The following NLGN2 variants were observed in gnomAD, a reference collection of about 807,000 sequenced individuals.
The protein encoded by NLGN2 is neuroligin-2.
Under a neutral mutation model 48.6 loss-of-function variants are expected in NLGN2, and 11 were observed. The observed-to-expected ratio is 0.23, with a 90% CI of 0.14 to 0.37. The LOEUF (loss-of-function observed/expected upper bound fraction) is 0.37. NLGN2 is among the 10% of genes least tolerant of loss of function. The pLI is 1.00. For missense variants in NLGN2, 801 were observed against 1,225.2 expected (o/e 0.65, Z 5.17); for synonymous variants, 548 against 550.0 (o/e 1.00, Z 0.05).
upstream of NLGN2, among the ~76,000 whole-genome samples, chr17:7,407,806 G>T (rs1906703314): frequency 6.6e-6 from 1 of 152,060 alleles, no homozygotes; most frequent in Admixed American, 6.5e-5. Context: ...CTGGGTGGGA[G>T]TGGGGAGGTG....
upstream of NLGN2, chr17:7,405,621 A>C (rs1288913753): frequency 6.6e-6 from 1 of 152,562 alleles, no homozygotes; most frequent in Non-Finnish European, 1.5e-5. This position sits in a 1 kb window ranked among gnomAD's most constrained non-coding sequence, Gnocchi z 6.8. Context: ...GTAGGACCTA[A>C]GCCGGGTCGG....
In NLGN2 at chr17:7,417,417, G is replaced by A; in HGVS notation, c.2126G>A (p.Cys709Tyr). 6.2e-7 allele frequency: 1 copy of A among 1,607,464 alleles called. No individual in the cohort carries two copies. The highest frequency in any genetic ancestry group is 8.5e-7 in the Non-Finnish European group (1 of 1,177,966). ...YKRDRRQELR[C>Y]RRLSPPGGSG... ...CGGGACCGGCGGCAGGAGCTGCGGTGCAGGCGGCTTAGCCCACCTGGCGGC... is the reference window on the plus strand; with the variant it reads ...CGGGACCGGCGGCAGGAGCTGCGGTACAGGCGGCTTAGCCCACCTGGCGGC... The change falls in exon 7 of 7, where the codon TGC becomes TAC. Residue 709 changes from cysteine (C) to tyrosine (Y), a missense_variant. Physicochemically the swap from Cys to Tyr is radical, Grantham distance 194 (BLOSUM62 -2). Around this residue, in one of 5 missense-constraint regions of NLGN2, gnomAD observed 276 missense variants for 313.9 expected, o/e 0.88. Coordinates refer to ENST00000302926, the MANE Select transcript of NLGN2 (RefSeq NM_020795.4).
intron 1 of NLGN2, among the ~76,000 whole-genome samples, chr17:7,410,698 G>T (rs1316091767): frequency 6.6e-6 from 1 of 152,074 alleles, no homozygotes; most frequent in Non-Finnish European, 1.5e-5. Flanking sequence ...CACCACCCTT[G>T]CCCACACCTT....
intron 1 of NLGN2, among the ~76,000 whole-genome samples, chr17:7,409,557 C>G (rs1453207099): frequency 1.3e-5 from 2 of 152,048 alleles, no homozygotes; most frequent in Non-Finnish European, 2.9e-5. Flanking sequence ...ACAAACACCC[C>G]CCTGCACCCC....
rs763446929 is a variant in NLGN2, at chr17:7,417,623, G to A, written c.2332G>A (p.Asp778Asn). 1.4e-6 allele frequency: 2 copies of A among 1,417,556 alleles called. No individual in the cohort carries two copies. Among genetic ancestry groups the A allele is most frequent in the Admixed American group, 2.9e-5 (1 of 34,220 alleles). The allele number at this position is 1,417,556 out of a possible 1,614,324, so 87.8% of individuals were successfully genotyped here. A position where few individuals can be genotyped will look rare whatever the true frequency, so the allele number is the denominator to read the frequency against. ...DYTLALRRAP[D>N]DVPLLAPGAL... ...CACCCTGGCCCTGCGCCGGGCACCG[G>A]ACGATGTGCCTCTCTTGGCCCCCGG... The change falls in exon 7 of 7, where the codon GAC (aspartate) becomes AAC (asparagine). Residue 778 changes from aspartate to asparagine, a missense_variant. Asp to Asn is a conservative substitution (Grantham distance 23). This residue lies in a region of NLGN2 where 276 missense variants were observed against 313.9 expected (regional missense o/e 0.88). Coordinates refer to ENST00000302926, the MANE Select transcript of NLGN2 (RefSeq NM_020795.4).
At position 7,414,324 on chromosome 17, in the gene NLGN2, G is replaced by A. The variant is rs929970422; in HGVS notation, c.509-20G>A. 1 of 1,434,912 alleles carries A rather than the reference G, an allele frequency of 7.0e-7. No individual in the cohort carries two copies. Among genetic ancestry groups the A allele is most frequent in the Non-Finnish European group, 9.2e-7 (1 of 1,087,976 alleles). The allele number at this position is 1,434,912 out of a possible 1,614,324, so 88.9% of individuals were successfully genotyped here. On this transcript the variant is annotated intron_variant, in intron 2 of 6. Coordinates refer to ENST00000302926, the MANE Select transcript of NLGN2 (RefSeq NM_020795.4). ...TTGTCCCTGACCCCCTGGCCCACCT[G>A]CCCACCCCTCCCCACACAGATATCC... is the stretch of plus-strand genomic sequence containing the variant.
At position 7,408,426 on chromosome 17, in the gene NLGN2, G is replaced by C. The variant is rs1315857150; in HGVS notation, c.171G>C (p.Glu57Asp). 1.3e-6 allele frequency: 2 copies of C among 1,569,768 alleles called. No homozygotes were observed. The highest frequency in any genetic ancestry group is 1.7e-6 in the Non-Finnish European group (2 of 1,162,010). Residue 57 changes from glutamate (E) to aspartate (D), a missense_variant, in exon 1 of 7, where the codon GAG becomes GAC. Coordinates refer to ENST00000302926, the MANE Select transcript of NLGN2 (RefSeq NM_020795.4). The surrounding 1 kb of genome is among the most constrained non-coding windows in gnomAD (Gnocchi z 7.5). The part of the protein sequence containing the change: ...AYGRVRGVRR[E>D]LNNEILGPVV... Reference sequence around the variant, plus strand: ...GGCGAGTGCGCGGTGTGCGGCGCGAGCTCAACAACGAGATCCTGGGCCCCG... The same window carrying C: ...GGCGAGTGCGCGGTGTGCGGCGCGACCTCAACAACGAGATCCTGGGCCCCG...
intron 6 of NLGN2, 36 bp downstream of exon 6, chr17:7,416,143 G>GCT (rs1259189313): frequency 6.9e-7 from 1 of 1,444,806 alleles, no homozygotes; most frequent in African/African-American, 1.4e-5. Context: ...GCTGGGCGGG[G>GCT]CCCTCCCTCC....
chr17:7,410,873 C>T (rs967097628), intron 1 of NLGN2, among the ~76,000 whole-genome samples: 1 of 152,260 alleles, frequency 6.6e-6, no homozygotes, highest in African/African-American at 2.4e-5. Context: ...GCCTTGCTCA[C>T]TTTGTCCCCA....
At chr17:7,416,511 G>T (rs1907108739) in intron 6 of NLGN2, among the ~76,000 whole-genome samples, 1 of 152,108 alleles carries the variant, frequency 6.6e-6, no homozygotes, top group Admixed American at 6.6e-5. Context: ...TCCCTCTGCT[G>T]CTCTCTTTTG....
At position 7,411,043 on chromosome 17, in the gene NLGN2, C is replaced by A. The variant is rs147670818; in HGVS notation, c.458-1114C>A. On this transcript the variant is annotated intron_variant, in intron 1 of 6. Transcript: ENST00000302926. This position sits in a 1 kb window ranked among gnomAD's most constrained non-coding sequence, Gnocchi z 4.5. ...GTGCCATTGAGGAAAAACCAATCAG[C>A]CTCGGGGAACCCCCAGGCCTCTGGG... Among the ~76,000 whole-genome samples, 2 of 152,356 alleles carry A rather than the reference C, an allele frequency of 1.3e-5. No homozygotes were observed. Among genetic ancestry groups the A allele is most frequent in the East Asian group, 3.9e-4 (2 of 5,180 alleles).
chr17:7,416,132 G>A, intron 6 of NLGN2, 25 bp downstream of exon 6: 1 of 1,494,080 alleles, frequency 6.7e-7, no homozygotes, highest in East Asian at 2.3e-5. Flanking sequence ...GGCTGGGCGG[G>A]GCTGGGCGGG....
chr17:7,414,815 G>A lies in NLGN2; in HGVS notation c.811G>A (p.Val271Ile), dbSNP rs752452597. ...TGGTTCCGGGGCAGGGGCCTCCTGC[G>A]TCAACCTTCTGATCCTCTCCCACCA... ...IFGSGAGASCVNLLILSHHSE... is the reference protein window; with the variant it reads ...IFGSGAGASCINLLILSHHSE... Residue 271 changes from valine (V) to isoleucine (I), a missense_variant, in exon 4 of 7, where the codon GTC (valine) becomes ATC (isoleucine). Around this residue, in one of 5 missense-constraint regions of NLGN2, gnomAD observed 303 missense variants for 600.1 expected, o/e 0.50. Transcript: ENST00000302926. 6.8e-6 allele frequency: 11 copies of A among 1,614,032 alleles called. No homozygotes were observed. The highest frequency in any genetic ancestry group is 1.3e-5 in the African/African-American group (1 of 74,908).
In NLGN2 at chr17:7,414,499, G is replaced by C. The variant is rs1179547502; in HGVS notation, c.658+6G>C. The C allele has an allele frequency of 2.5e-6, 4 of 1,612,226 alleles. No homozygotes were observed. The Admixed American group carries it at 6.7e-5, about 27-fold the overall frequency. ...CTACCGTCTTGGGGTGCTCGGTGAGGGTGGGCAGCCAACTCTGGGGCTCGG... is the reference window on the plus strand; with the variant it reads ...CTACCGTCTTGGGGTGCTCGGTGAGCGTGGGCAGCCAACTCTGGGGCTCGG... On this transcript the variant is annotated splice_donor_region_variant and intron_variant, in intron 3 of 6. Transcript: ENST00000302926.
At chr17:7,410,084 T>C (rs1262592355) in intron 1 of NLGN2, among the ~76,000 whole-genome samples, 1 of 151,904 alleles carries the variant, frequency 6.6e-6, no homozygotes, top group Non-Finnish European at 1.5e-5. Context: ...CTAGAGATCA[T>C]CTGCACCGGA....
chr17:7,408,095 T>A lies in NLGN2; in HGVS notation c.-161T>A. 1 of 370,416 alleles carries A rather than the reference T, an allele frequency of 2.7e-6. No homozygotes were observed. Among genetic ancestry groups the A allele is most frequent in the Admixed American group, 4.9e-5 (1 of 20,526 alleles). The allele number at this position is 370,416 out of a possible 1,614,324, so 22.9% of individuals were successfully genotyped here. A position where few individuals can be genotyped will look rare whatever the true frequency, so the allele number is the denominator to read the frequency against. ...CATGGAGAGGAACAGACCCCTTCTC[T>A]GTCCAGTCTAACCCAGGTCCCTCCC... On this transcript the variant is annotated 5_prime_UTR_variant, in exon 1 of 7. Transcript: ENST00000302926. This position sits in a 1 kb window ranked among gnomAD's most constrained non-coding sequence, Gnocchi z 7.5.
Position 7,408,818 on chromosome 17 carries a change from G to C in NLGN2, c.457+106G>C. 6.3e-7 allele frequency: 1 copy of C among 1,591,424 alleles called. No individual in the cohort carries two copies. The highest frequency in any genetic ancestry group is 8.5e-7 in the Non-Finnish European group (1 of 1,169,684). On this transcript the variant is annotated intron_variant, in intron 1 of 6. Coordinates refer to ENST00000302926, the MANE Select transcript of NLGN2 (RefSeq NM_020795.4). This position sits in a 1 kb window ranked among gnomAD's most constrained non-coding sequence, Gnocchi z 7.5. ...CTCTAGGGCTCAGAGCTGGGCCTTT[G>C]TGGGGGCAGTGAGGGACGGAGTGTC...
rs1256041634 is a variant in NLGN2, at chr17:7,418,164, C to T, written c.*365C>T. The T allele has an allele frequency of 6.1e-6, 1 of 162,676 alleles. No individual in the cohort carries two copies. Among genetic ancestry groups the T allele is most frequent in the African/African-American group, 2.4e-5 (1 of 41,812 alleles). 10.1% of individuals were successfully genotyped at this position (162,676 alleles called of 1,614,324 possible). On this transcript the variant is annotated 3_prime_UTR_variant, in exon 7 of 7. Transcript: ENST00000302926. ...GCCACCCTGGACACATGTTGGCCCC[C>T]TCAAAGAATTTCTGTGGGGATTTGT...
Position 7,408,147 on chromosome 17 carries a change from C to T in NLGN2, c.-109C>T. 3.8e-6 allele frequency: 2 copies of T among 520,422 alleles called. No individual in the cohort carries two copies. The highest frequency in any genetic ancestry group is 7.4e-5 in the East Asian group (2 of 26,968). 32.2% of individuals were successfully genotyped at this position (520,422 alleles called of 1,614,324 possible). A position where few individuals can be genotyped will look rare whatever the true frequency, so the allele number is the denominator to read the frequency against. On this transcript the variant is annotated 5_prime_UTR_variant, in exon 1 of 7. Coordinates refer to ENST00000302926, the MANE Select transcript of NLGN2 (RefSeq NM_020795.4). This position sits in a 1 kb window ranked among gnomAD's most constrained non-coding sequence, Gnocchi z 7.5. The stretch of plus-strand genomic sequence containing the variant: ...AACCCCCTCCTCCCTCCTTTCCCCC[C>T]GCCCCTCCTCCCTCCTGGGGCGAGG...
Sources: gnomAD v4.1 joint callset for allele counts (sites outside exome capture counted in the v4.1 genomes callset) on GRCh38, gnomAD v4.1.1 for gene constraint, gnomAD v4.1.1 regional missense constraint, Gnocchi (gnomAD v3.1) non-coding constraint, MANE v1.5 for transcripts, NCBI Gene and HGNC (gene_info 2026-07-23, HGNC 2026-07-21) for gene names.